Variants in PLD5 observed in about 807,000 individuals in gnomAD.
The protein encoded by PLD5 is inactive phospholipase D5.
Under a neutral mutation model 61.1 loss-of-function variants are expected in PLD5, and 36 were observed. That is an observed-to-expected ratio of 0.59 (90% confidence interval 0.45 to 0.78). The LOEUF is 0.78. Ranked by LOEUF, PLD5 falls within the 30% of genes least tolerant of loss-of-function variation. The probability of loss-of-function intolerance (pLI) is 0.00; values close to 1 mark genes in which losing one functional copy is unlikely to be tolerated. For synonymous variants in PLD5, 243 were observed against 242.8 expected, an observed-to-expected ratio of 1.00 and a Z score of -0.01; for missense variants, 515 against 644.4, an observed-to-expected ratio of 0.80 and a Z score of 2.17.
chr1:242,384,755 T>C (rs1444988062), intron 1 of PLD5, among the ~76,000 whole-genome samples: 1 of 152,218 alleles, frequency 6.6e-6, no homozygotes, highest in African/African-American at 2.4e-5. Context: ...ACATCATTTT[T>C]CTTCTTAAAA....
At chr1:242,141,238 T>C (rs1664139601) in intron 5 of PLD5, among the ~76,000 whole-genome samples, 1 of 152,194 alleles carries the variant, frequency 6.6e-6, no homozygotes, top group Non-Finnish European at 1.5e-5. Flanking sequence ...TGGTTTGGAA[T>C]TACAATCCTG....
intron 8 of PLD5, among the ~76,000 whole-genome samples, chr1:242,102,334 G>T (rs1660753303): frequency 6.6e-6 from 1 of 152,226 alleles, no homozygotes; most frequent in African/African-American, 2.4e-5. Context: ...GAAAGTCAAA[G>T]ACGGCCCTTA....
In PLD5 at chr1:242,083,574, AG is replaced by A. The variant is rs1659340710; in HGVS notation, c.*6279del. The A allele has an allele frequency of 6.6e-6, 1 of 152,226 alleles. No homozygotes were observed. The highest frequency in any genetic ancestry group is 1.5e-5 in the Non-Finnish European group (1 of 68,040). 9.4% of individuals were successfully genotyped at this position (152,226 alleles called of 1,614,324 possible). On this transcript the variant is annotated 3_prime_UTR_variant, in exon 10 of 10. Coordinates refer to ENST00000536534, the MANE Select transcript of PLD5 (RefSeq NM_001372062.1). The stretch of plus-strand genomic sequence containing the variant: ...GTTTCTCAATGACATTTTCCTACAG[AG>A]GATTTTCAAAGTGCTTTATCAGTAC...
intron 3 of PLD5, among the ~76,000 whole-genome samples, chr1:242,272,716 T>C (rs1674166119): frequency 6.6e-6 from 1 of 152,104 alleles, no homozygotes; most frequent in Non-Finnish European, 1.5e-5. Flanking sequence ...GGGTACCTCA[T>C]AGCAAAACCA....
intron 1 of PLD5, among the ~76,000 whole-genome samples, chr1:242,413,717 C>T (rs1484829223): frequency 6.6e-6 from 1 of 152,136 alleles, no homozygotes; most frequent in Non-Finnish European, 1.5e-5. Flanking sequence ...AGTGATACCT[C>T]TGGATGGAAA....
intron 5 of PLD5, among the ~76,000 whole-genome samples, chr1:242,168,845 A>ATTTTTTTTTTTTTTTT (rs1574439363): frequency 1.0e-4 from 3 of 29,248 alleles, no homozygotes; most frequent in African/African-American, 3.6e-4. Context: ...TAATTAATGA[A>ATTTTTTTTTTTTTTTT]GTTTTTTTTT....
intron 1 of PLD5, among the ~76,000 whole-genome samples, chr1:242,512,541 T>A (rs1246624807): frequency 2.6e-5 from 4 of 152,116 alleles, no homozygotes; most frequent in African/African-American, 9.7e-5. Context: ...AGCTAGCAGA[T>A]TCAGGCAAGG....
At chr1:242,164,239 A>G (rs547275442) in intron 5 of PLD5, among the ~76,000 whole-genome samples, 1 of 152,174 alleles carries the variant, frequency 6.6e-6, no homozygotes, top group Non-Finnish European at 1.5e-5. Flanking sequence ...GTTCTTGGAA[A>G]TAAAATCTTC....
intron 2 of PLD5, among the ~76,000 whole-genome samples, chr1:242,334,511 G>A (rs4039092): frequency 0.023 from 3,558 of 152,246 alleles, 134 homozygotes; most frequent in African/African-American, 0.08. Flanking sequence ...GGCATGCAGC[G>A]TGTTGGACAA....
At chr1:242,208,224 A>G (rs1257818710) in intron 5 of PLD5, among the ~76,000 whole-genome samples, 1 of 151,748 alleles carries the variant, frequency 6.6e-6, no homozygotes, top group East Asian at 1.9e-4. Flanking sequence ...GCATGCCTGC[A>G]CAGGTGAGCT....
chr1:242,370,633 G>A (rs555718353), intron 1 of PLD5, among the ~76,000 whole-genome samples: 4 of 152,228 alleles, frequency 2.6e-5, no homozygotes, highest in African/African-American at 7.2e-5. Context: ...GAGAATTAGG[G>A]ATTCCCTCTG....
At chr1:242,210,969 A>G (rs1430292105) in intron 5 of PLD5, 1 of 152,268 alleles carries the variant, frequency 6.6e-6, no homozygotes, top group Admixed American at 6.5e-5. Flanking sequence ...TGCAAAAGAG[A>G]CATTGGAAGC....
intron 7 of PLD5, among the ~76,000 whole-genome samples, chr1:242,112,815 A>G (rs6663013): frequency 0.45 from 67,808 of 152,074 alleles, 15,463 homozygotes; most frequent in East Asian, 0.6. Flanking sequence ...CTTTGAAAAC[A>G]TTTCCTGGAT....
intron 4 of PLD5, among the ~76,000 whole-genome samples, chr1:242,232,288 T>G (rs1671358596): frequency 6.6e-6 from 1 of 152,172 alleles, no homozygotes; most frequent in Non-Finnish European, 1.5e-5. Context: ...GATATTTTAA[T>G]AGTAACAGAA....
intron 1 of PLD5, among the ~76,000 whole-genome samples, chr1:242,470,347 A>G (rs1486142386): frequency 7.5e-6 from 1 of 133,692 alleles, no homozygotes; most frequent in Non-Finnish European, 1.6e-5. Flanking sequence ...GTCTCAAAGA[A>G]AAAAAAAAAA....
chr1:242,094,102 T>C (rs1660044687), intron 9 of PLD5, among the ~76,000 whole-genome samples: 1 of 152,122 alleles, frequency 6.6e-6, no homozygotes, highest in Admixed American at 6.5e-5. Context: ...GTTTTTTTAA[T>C]TGGGATGCAA....
chr1:242,347,504 A>C lies in PLD5; in HGVS notation c.326+602T>G, dbSNP rs563406798. ...TTTGATGAGGAGATTTCTGGGGTTG[A>C]GACTACACTGTGATGTCTCTGCCAG... On this transcript the variant is annotated intron_variant, in intron 2 of 9. Coordinates refer to ENST00000536534, the MANE Select transcript of PLD5 (RefSeq NM_001372062.1). 3.9e-5 allele frequency among the ~76,000 whole-genome samples: 6 copies of C among 152,234 alleles called. No homozygotes were observed. In the East Asian group the frequency reaches 1.2e-3, roughly 29 times the overall value.
intron 5 of PLD5, 115 bp from the exon 6 acceptor site, chr1:242,124,780 A>C: frequency 1.3e-6 from 1 of 792,446 alleles, no homozygotes; most frequent in Non-Finnish European, 2.0e-6. Context: ...CTTGCATTTG[A>C]AGTAAGTAGA....
chr1:242,373,049 C>CA (rs1661730241), intron 1 of PLD5, among the ~76,000 whole-genome samples: 1 of 152,116 alleles, frequency 6.6e-6, no homozygotes, highest in Admixed American at 6.6e-5. Flanking sequence ...ACTCATCGGA[C>CA]AAAGGGCTAA....
Sources: allele counts gnomAD v4.1 joint callset (sites outside exome capture counted in the v4.1 genomes callset), GRCh38; gene constraint gnomAD v4.1.1; transcripts MANE v1.5; gene names NCBI Gene and HGNC (gene_info 2026-07-23, HGNC 2026-07-21).